The following COL19A1 variants were observed in gnomAD, a reference collection of about 807,000 sequenced individuals.
The protein encoded by COL19A1 is collagen alpha-1(XIX) chain.
In COL19A1, 159 loss-of-function variants were observed where a neutral mutation model predicts 190.2. The observed-to-expected ratio is 0.84, with a 90% CI of 0.73 to 0.95. The LOEUF (loss-of-function observed/expected upper bound fraction) is 0.95. COL19A1 is among the 40% of genes least tolerant of loss of function. The probability of loss-of-function intolerance (pLI) is 0.00; values close to 1 mark genes in which losing one functional copy is unlikely to be tolerated. For missense variants in COL19A1, 1,418 were observed against 1,431.9 expected (o/e 0.99, Z 0.16); for synonymous variants, 509 against 458.9 (o/e 1.11, Z -1.39).
intron 11 of COL19A1, among the ~76,000 whole-genome samples, chr6:69,966,143 C>T (rs534075552): frequency 3.9e-5 from 6 of 152,206 alleles, no homozygotes; most frequent in South Asian, 2.1e-4. Flanking sequence ...AGAAGCCGTC[C>T]GGGAGGTGGG....
chr6:70,117,543 A>AT (rs1784646944), intron 16 of COL19A1, among the ~76,000 whole-genome samples: 2 of 152,224 alleles, frequency 1.3e-5, no homozygotes, highest in Non-Finnish European at 2.9e-5. Context: ...CAAATTGAAT[A>AT]TAGCTTTAAT....
At chr6:70,035,421 A>C (rs1035836360) in intron 13 of COL19A1, among the ~76,000 whole-genome samples, 4 of 152,224 alleles carry the variant, frequency 2.6e-5, no homozygotes, top group African/African-American at 9.6e-5. Context: ...AGTTGATGGC[A>C]AATGCAATGC....
At chr6:70,041,586 A>G (rs1265224883) in intron 14 of COL19A1, among the ~76,000 whole-genome samples, 1 of 152,206 alleles carries the variant, frequency 6.6e-6, no homozygotes, top group Non-Finnish European at 1.5e-5. Flanking sequence ...GGATGGGAAT[A>G]TCTAAGTAAA....
At chr6:70,030,738 C>T (rs1227076222) in intron 12 of COL19A1, among the ~76,000 whole-genome samples, 1 of 152,126 alleles carries the variant, frequency 6.6e-6, no homozygotes, top group Non-Finnish European at 1.5e-5. Flanking sequence ...GGGATAACTT[C>T]CTAGCCAGTT....
In COL19A1 at chr6:70,087,714, G is replaced by T. The variant is rs970543975; in HGVS notation, c.1225-14455G>T. On this transcript the variant is annotated intron_variant, in intron 15 of 50. Transcript: ENST00000620364. ...GTCTGAAAACTTCAATTCTAACCTC[G>T]CCAGCAATGGTAAGGATCGCCACAC... Among the ~76,000 whole-genome samples, 8 of 152,082 alleles carry T rather than the reference G, an allele frequency of 5.3e-5. 1 individual carries two copies. The highest frequency in any genetic ancestry group is 1.0e-4 in the Non-Finnish European group (7 of 68,022).
chr6:70,151,856 T>G (rs1787083255), intron 31 of COL19A1, among the ~76,000 whole-genome samples: 1 of 152,092 alleles, frequency 6.6e-6, no homozygotes, highest in Admixed American at 6.6e-5. Context: ...AGTCCCAAGA[T>G]GAAAATCAGT....
intron 14 of COL19A1, among the ~76,000 whole-genome samples, chr6:70,060,941 A>C (rs894820923): frequency 1.3e-5 from 2 of 152,158 alleles, no homozygotes; most frequent in South Asian, 2.1e-4. Flanking sequence ...TAAATGAAGC[A>C]CACACATAAT....
rs200849635 is a variant in COL19A1, at chr6:70,144,914, A to G, written c.1681-4A>G. On this transcript the variant is annotated splice_polypyrimidine_tract_variant and splice_region_variant and intron_variant, in intron 24 of 50. Coordinates refer to ENST00000620364, the MANE Select transcript of COL19A1 (RefSeq NM_001858.6). ...AAGTAAGAATCTTACCTTGTTTTCT[A>G]CAGGGAGATCCGGGTGGGATCATAG... The G allele has an allele frequency of 4.6e-5, 71 of 1,556,886 alleles. No individual in the cohort carries two copies. The East Asian group carries it at 1.6e-3, about 36-fold the overall frequency.
chr6:69,888,220 T>G (rs562155797), intron 2 of COL19A1, among the ~76,000 whole-genome samples: 1 of 152,160 alleles, frequency 6.6e-6, no homozygotes, highest in African/African-American at 2.4e-5. Flanking sequence ...AGAAAACACG[T>G]ATCAAAATGA....
intron 40 of COL19A1, among the ~76,000 whole-genome samples, chr6:70,171,443 T>C (rs1422517002): frequency 6.6e-6 from 1 of 152,194 alleles, no homozygotes; most frequent in East Asian, 1.9e-4. Flanking sequence ...ACTTGAGCAA[T>C]AACTTTTAGT....
chr6:69,937,980 T>A (rs1773215599), intron 8 of COL19A1, 58 bp from the exon 9 acceptor site: 1 of 1,528,016 alleles, frequency 6.5e-7, no homozygotes, highest in Non-Finnish European at 9.0e-7. Flanking sequence ...TATAAACCAT[T>A]TGGCTTTAGA....
At position 69,960,134 on chromosome 6, in the gene COL19A1, C is replaced by G. The variant is rs1774687902; in HGVS notation, c.981+94C>G. On this transcript the variant is annotated intron_variant, in intron 10 of 50. Coordinates refer to ENST00000620364, the MANE Select transcript of COL19A1 (RefSeq NM_001858.6). ...TATTCTGAAATTGTATTTGATTAAG[C>G]TGAATTCACTCAAAGACTTTTAGAA... 3 of 1,212,364 alleles carry G rather than the reference C, an allele frequency of 2.5e-6. No homozygotes were observed. In the South Asian group the frequency reaches 4.3e-5, roughly 17 times the overall value. 75.1% of individuals were successfully genotyped at this position (1,212,364 alleles called of 1,614,324 possible). A position where few individuals can be genotyped will look rare whatever the true frequency, so the allele number is the denominator to read the frequency against.
chr6:70,028,847 C>T (rs577293505), intron 12 of COL19A1, among the ~76,000 whole-genome samples: 1 of 152,174 alleles, frequency 6.6e-6, no homozygotes, highest in South Asian at 2.1e-4. Context: ...CAACATAGGG[C>T]AAGAACTATA....
intron 15 of COL19A1, among the ~76,000 whole-genome samples, chr6:70,085,501 A>T (rs948455675): frequency 6.6e-6 from 1 of 152,210 alleles, no homozygotes; most frequent in Non-Finnish European, 1.5e-5. Context: ...TTGTACTTCT[A>T]ATGATATTCT....
chr6:69,978,039 C>T (rs1448112574), intron 11 of COL19A1, among the ~76,000 whole-genome samples: 1 of 152,104 alleles, frequency 6.6e-6, no homozygotes, highest in Non-Finnish European at 1.5e-5. Flanking sequence ...ACAAGAATCC[C>T]CAGAGATTCT....
At chr6:69,948,321 G>A (rs1294061956) in intron 9 of COL19A1, among the ~76,000 whole-genome samples, 1 of 151,792 alleles carries the variant, frequency 6.6e-6, no homozygotes, top group African/African-American at 2.4e-5. Context: ...TGGCATAGCA[G>A]GATAGAATTC....
intron 44 of COL19A1, 54 bp from the exon 45 acceptor site, chr6:70,184,649 T>C: frequency 1.5e-6 from 2 of 1,378,250 alleles, no homozygotes; most frequent in Non-Finnish European, 2.0e-6. Context: ...GCTTTTGTTG[T>C]GTTTAACTAT....
At chr6:70,089,833 A>G (rs1459756598) in intron 15 of COL19A1, among the ~76,000 whole-genome samples, 1 of 152,164 alleles carries the variant, frequency 6.6e-6, no homozygotes, top group Non-Finnish European at 1.5e-5. Context: ...TCAAAACTAT[A>G]GTTTATAATG....
At chr6:69,933,808 C>T (rs568306340) in intron 7 of COL19A1, among the ~76,000 whole-genome samples, 1 of 151,870 alleles carries the variant, frequency 6.6e-6, no homozygotes, top group Admixed American at 6.6e-5. Flanking sequence ...ATTCCTAATG[C>T]TTCATTTGGA....
Sources: gnomAD v4.1 joint callset for allele counts (sites outside exome capture counted in the v4.1 genomes callset) on GRCh38, gnomAD v4.1.1 for gene constraint, MANE v1.5 for transcripts, NCBI Gene and HGNC (gene_info 2026-07-23, HGNC 2026-07-21) for gene names.